ACIN1: variants seen among roughly 807,000 people sequenced by gnomAD.
ACIN1 encodes the protein apoptotic chromatin condensation inducer in the nucleus.
A neutral mutation model predicts 146.6 loss-of-function variants in ACIN1; 16 were observed. The ratio of observed to expected loss-of-function variants is 0.11; its 90% CI spans 0.07 to 0.17. The LOEUF (loss-of-function observed/expected upper bound fraction) is 0.17. Ranked by LOEUF, ACIN1 falls within the 10% of genes least tolerant of loss-of-function variation. ACIN1 has a pLI of 1.00. For missense variants in ACIN1, 1,357 were observed against 1,609.3 expected, an observed-to-expected ratio of 0.84 and a Z score of 2.68; for synonymous variants, 569 against 582.7, an observed-to-expected ratio of 0.98 and a Z score of 0.34.
At chr14:23,094,724 G>A in intron 1 of ACIN1, 1 of 694,398 alleles carries the variant, frequency 1.4e-6, no homozygotes, top group Non-Finnish European at 2.3e-6. Flanking sequence ...GGAGGAAGGA[G>A]CTTAAGACAC....
At position 23,059,252 on chromosome 14, in the gene ACIN1, T is replaced by C. The variant is rs969549783; in HGVS notation, c.3748A>G (p.Arg1250Gly). The change falls in exon 19 of 19, where the codon AGG becomes GGG. Residue 1250 changes from arginine (R) to glycine (G), a missense_variant. Physicochemically the swap from Arg to Gly is moderately radical, Grantham distance 125. This residue lies in a region of ACIN1 where 509 missense variants were observed against 719.6 expected (regional missense o/e 0.71). Transcript: ENST00000605057. ...DRGDRDRDRE[R>G]DRERGRERDR... is the part of the protein sequence containing the mutation. ...CTTTCCCTGCCTCGTTCTCGGTCCC[T>C]TTCCCTATCCCGATCTCGGTCCCCC... 3.1e-6 allele frequency: 5 copies of C among 1,613,110 alleles called. No homozygotes were observed. In the Admixed American group the frequency reaches 5.0e-5, roughly 16 times the overall value.
At chr14:23,093,350 A>C (rs918903756) in intron 2 of ACIN1, 129 bp downstream of exon 2, 4 of 935,220 alleles carry the variant, frequency 4.3e-6, no homozygotes, top group Non-Finnish European at 6.6e-6. Context: ...CTGGTTTGAG[A>C]ACATTTCTGA....
upstream of ACIN1, chr14:23,095,337 C>G: frequency 6.5e-7 from 1 of 1,548,000 alleles, no homozygotes; most frequent in South Asian, 1.2e-5. Flanking sequence ...TTTTCTCGCC[C>G]TGCTTTCAGG....
At chr14:23,069,641 T>TGGGGGGTGGGGGG in intron 8 of ACIN1, 24 bp from the exon 9 acceptor site, 1 of 309,214 alleles carries the variant, frequency 3.2e-6, no homozygotes, top group Non-Finnish European at 5.7e-6. Context: ...GGAGTGGTGG[T>TGGGGGGTGGGGGG]GGGGGGGCGG....
rs1415382207 is a variant in ACIN1, at chr14:23,061,169, T to C, written c.3440A>G (p.Glu1147Gly). Residue 1147 changes from glutamate (E) to glycine (G), a missense_variant, in exon 18 of 19, where the codon GAA becomes GGA. This residue lies in a region of ACIN1 where 509 missense variants were observed against 719.6 expected (regional missense o/e 0.71). Coordinates refer to ENST00000605057, the MANE Select transcript of ACIN1 (RefSeq NM_001386863.1). ...GTCATCCAGCAGCTTGGCAGGTGGT[T>C]CCTCCTGGGCTTTCTCTGAGGTGGA... The part of the protein sequence containing the change: ...KSEKKEKAQE[E>G]PPAKLLDDLF... The C allele has an allele frequency of 6.2e-7, 1 of 1,614,000 alleles. No individual in the cohort carries two copies.
Position 23,069,714 on chromosome 14 carries a change from G to GC in ACIN1, c.2124-98dup. On this transcript the variant is annotated intron_variant, in intron 8 of 18. Transcript: ENST00000605057. ...AGTTACTGGGTCAGGAAACCCTCCT[G>GC]CCTCATCACTTGGGTGGGATTAGGA... 2.6e-6 allele frequency: 3 copies of GC among 1,169,624 alleles called. No homozygotes were observed. In the Admixed American group the frequency reaches 6.8e-5, roughly 27 times the overall value. The allele number at this position is 1,169,624 out of a possible 1,614,324, so 72.5% of individuals were successfully genotyped here.
At chr14:23,084,056 C>G (rs1012663243) in intron 4 of ACIN1, among the ~76,000 whole-genome samples, 2 of 151,772 alleles carry the variant, frequency 1.3e-5, no homozygotes, top group African/African-American at 2.4e-5. Flanking sequence ...AAGTGATTCT[C>G]CTGCCTCAGC....
chr14:23,076,230 T>C (rs2047797981), intron 8 of ACIN1, among the ~76,000 whole-genome samples: 1 of 152,174 alleles, frequency 6.6e-6, no homozygotes, highest in Non-Finnish European at 1.5e-5. Context: ...TGCTGTTTTG[T>C]TAGAATGTTG....
chr14:23,071,482 G>A (rs2047651750), intron 8 of ACIN1: 3 of 1,551,750 alleles, frequency 1.9e-6, no homozygotes, highest in South Asian at 1.2e-5. Context: ...AAGAGGGCCA[G>A]GCTGCTGGTA....
At chr14:23,071,390 A>C in intron 8 of ACIN1, 1 of 1,550,070 alleles carries the variant, frequency 6.5e-7, no homozygotes, top group East Asian at 2.4e-5. Context: ...AGGCTAAAAC[A>C]GATCTGGCTT....
intron 4 of ACIN1, among the ~76,000 whole-genome samples, chr14:23,085,765 C>A (rs1257460720): frequency 1.3e-5 from 2 of 152,134 alleles, no homozygotes. Flanking sequence ...AGAACATGGC[C>A]ACAATGAATG....
At chr14:23,069,652 G>GGGGCC in intron 8 of ACIN1, 35 bp from the exon 9 acceptor site, 1 of 577,970 alleles carries the variant, frequency 1.7e-6, no homozygotes, top group Non-Finnish European at 3.3e-6. Flanking sequence ...GGGGGGGCGG[G>GGGGCC]CAGAAAAGAA....
At chr14:23,069,210 T>A in intron 9 of ACIN1, 2 of 1,170,500 alleles carry the variant, frequency 1.7e-6, no homozygotes, top group Non-Finnish European at 2.1e-6. Context: ...AGGGCCATTA[T>A]CAGACTTTCC....
chr14:23,083,028 C>T (rs530598234), intron 4 of ACIN1, among the ~76,000 whole-genome samples: 5 of 151,562 alleles, frequency 3.3e-5, no homozygotes, highest in African/African-American at 1.2e-4. Context: ...CGTGAGTCAC[C>T]GCACCCGGAC....
At chr14:23,069,649 C>CGGGGGGGGGGGGGGGG in intron 8 of ACIN1, 32 bp from the exon 9 acceptor site, 2 of 526,770 alleles carry the variant, frequency 3.8e-6, no homozygotes, top group Non-Finnish European at 3.1e-6. Flanking sequence ...GGTGGGGGGG[C>CGGGGGGGGGGGGGGGG]GGGCAGAAAA....
In ACIN1 at chr14:23,071,338, C is replaced by CA. The variant is rs536989708; in HGVS notation, c.2124-1722dup. On this transcript the variant is annotated intron_variant, in intron 8 of 18. Transcript: ENST00000605057. ...AATTGAGATGTAGCAACCGGGGATC[C>CA]AAAAAATGGTAAATGGAAGGGGAGG... 1,020 of 1,514,378 alleles carry CA rather than the reference C, an allele frequency of 6.7e-4. 12 individuals are homozygous for CA. The South Asian group carries it at 9.2e-3, about 14-fold the overall frequency. The allele number at this position is 1,514,378 out of a possible 1,614,324, so 93.8% of individuals were successfully genotyped here.
intron 9 of ACIN1, 199 bp downstream of exon 9, chr14:23,069,277 T>C: frequency 1.6e-6 from 2 of 1,253,940 alleles, no homozygotes; most frequent in Non-Finnish European, 2.0e-6. Flanking sequence ...GAAAGGAAAA[T>C]GAATGAGCCC....
In ACIN1 at chr14:23,093,517, G is replaced by A; in HGVS notation, c.166C>T (p.His56Tyr). The change falls in exon 2 of 19, where the codon CAC becomes TAC. Residue 56 changes from histidine (H) to tyrosine (Y), a missense_variant. Physicochemically the swap from His to Tyr is moderately conservative, Grantham distance 83. Around this residue, in one of 4 missense-constraint regions of ACIN1, gnomAD observed 55 missense variants for 123.9 expected, o/e 0.44. Transcript: ENST00000605057. ...GALMLENLQK[H>Y]STPHAAFQPN... Reference sequence around the variant, plus strand: ...TGGAATGCAGCATGGGGTGTTGAGTGTTTCTGTAAATTTTCTAGCATTAGA... The same window carrying A: ...TGGAATGCAGCATGGGGTGTTGAGTATTTCTGTAAATTTTCTAGCATTAGA... 5.6e-6 allele frequency: 9 copies of A among 1,613,980 alleles called. No individual in the cohort carries two copies. Among genetic ancestry groups the A allele is most frequent in the Non-Finnish European group, 7.6e-6 (9 of 1,179,952 alleles).
rs377662482 is a variant in ACIN1, at chr14:23,093,445, G to A, written c.204+34C>T. On this transcript the variant is annotated intron_variant, in intron 2 of 18. Transcript: ENST00000605057. ...CCTTCCATGTGTCTGGATATCCAAA[G>A]GGCCCACTCCATTGAATACACCTTC... is the stretch of plus-strand genomic sequence containing the variant. The A allele has an allele frequency of 2.0e-5, 32 of 1,589,752 alleles. No individual in the cohort carries two copies. The African/African-American group carries it at 3.2e-4, about 16-fold the overall frequency.
Sources: gnomAD v4.1 joint callset for allele counts (sites outside exome capture counted in the v4.1 genomes callset) on GRCh38, gnomAD v4.1.1 for gene constraint, gnomAD v4.1.1 regional missense constraint, MANE v1.5 for transcripts, NCBI Gene and HGNC (gene_info 2026-07-23, HGNC 2026-07-21) for gene names.